Variants in MAGI2 observed in about 807,000 individuals in gnomAD.
MAGI2 encodes membrane-associated guanylate kinase, WW and PDZ domain-containing protein 2.
MAGI2 carries 35 observed loss-of-function variants against 133.3 expected under a neutral mutation model. That is an observed-to-expected ratio of 0.26 (90% CI 0.20 to 0.35). MAGI2 has a LOEUF of 0.35. Ranked by LOEUF, MAGI2 falls within the 10% of genes least tolerant of loss-of-function variation. The pLI is 1.00. For synonymous variants in MAGI2, 729 were observed against 710.6 expected, an observed-to-expected ratio of 1.03 and a Z score of -0.41; for missense variants, 1,636 against 1,863.4, an observed-to-expected ratio of 0.88 and a Z score of 2.25.
intron 1 of MAGI2, among the ~76,000 whole-genome samples, chr7:79,170,137 C>CTTTTTTTTTTTTTTTTTTTTT (rs10539344): frequency 2.3e-5 from 1 of 42,924 alleles, no homozygotes; most frequent in African/African-American, 8.6e-5. Flanking sequence ...AGATATTATA[C>CTTTTTTTTTTTTTTTTTTTTT]TTTTTTTTTT....
At chr7:78,113,690 A>G (rs1408989290) in intron 20 of MAGI2, among the ~76,000 whole-genome samples, 1 of 152,152 alleles carries the variant, frequency 6.6e-6, no homozygotes, top group Non-Finnish European at 1.5e-5. Flanking sequence ...TTGTAAGTGT[A>G]CTTCTTTGAT....
chr7:78,617,431 T>G (rs1485508007), intron 3 of MAGI2: 3 of 152,130 alleles, frequency 2.0e-5, no homozygotes. Flanking sequence ...ATCCTGATTT[T>G]GTCTGGTTGC....
intron 1 of MAGI2, among the ~76,000 whole-genome samples, chr7:79,010,035 C>T (rs1027945959): frequency 2.6e-5 from 4 of 151,820 alleles, no homozygotes; most frequent in African/African-American, 9.7e-5. Flanking sequence ...CTAAAACACA[C>T]ATATATATAT....
intron 2 of MAGI2, among the ~76,000 whole-genome samples, chr7:78,745,691 G>C (rs968295648): frequency 2.0e-5 from 3 of 152,076 alleles, no homozygotes; most frequent in Admixed American, 1.3e-4. Flanking sequence ...ATAAGAACAA[G>C]TTGCCCATTT....
intron 16 of MAGI2, among the ~76,000 whole-genome samples, chr7:78,155,392 T>G (rs1327239510): frequency 6.6e-6 from 1 of 152,126 alleles, no homozygotes; most frequent in Non-Finnish European, 1.5e-5. Context: ...GGTGGACAGA[T>G]CACTTGAGCC....
intron 6 of MAGI2, among the ~76,000 whole-genome samples, chr7:78,421,733 G>A (rs1335804505): frequency 2.0e-5 from 3 of 152,146 alleles, no homozygotes; most frequent in Non-Finnish European, 4.4e-5. Flanking sequence ...GAGGCTGGGA[G>A]ATTGAGGCTG....
intron 1 of MAGI2, among the ~76,000 whole-genome samples, chr7:79,428,901 A>G (rs1430953314): frequency 6.6e-6 from 1 of 152,152 alleles, no homozygotes; most frequent in Non-Finnish European, 1.5e-5. Flanking sequence ...GTTTTCCAAT[A>G]GGTAATTTTT....
At chr7:78,838,522 G>GTGTGTGTGAGTGTGTGTGTGTGTT in intron 2 of MAGI2, among the ~76,000 whole-genome samples, 1 of 151,476 alleles carries the variant, frequency 6.6e-6, no homozygotes, top group Non-Finnish European at 1.5e-5. Context: ...GTGTGTGTGT[G>GTGTGTGTGAGTGTGTGTGTGTGTT]TGTGTGTGTG....
intron 20 of MAGI2, among the ~76,000 whole-genome samples, chr7:78,097,447 A>G (rs1018159029): frequency 6.6e-6 from 1 of 152,180 alleles, no homozygotes; most frequent in African/African-American, 2.4e-5. Context: ...GATAAAGAAA[A>G]TATGGTACCT....
intron 7 of MAGI2, among the ~76,000 whole-genome samples, chr7:78,362,274 C>G (rs79555514): frequency 0.054 from 8,209 of 152,188 alleles, 324 homozygotes; most frequent in South Asian, 0.096. Context: ...TGTACTCCAG[C>G]CTGGGAGACA....
In MAGI2 at chr7:78,497,093, A is replaced by ACTCATTTGAATTCACATATT. The variant is rs566378192; in HGVS notation, c.965+4464_965+4483dup. ...AAAGGTGGGTCCTTGATATGTAATAACTCATTTGAATTCACATATTCTCAT... is the reference window on the plus strand; with the variant it reads ...AAAGGTGGGTCCTTGATATGTAATAACTCATTTGAATTCACATATTCTCATTTGAATTCACATATTCTCAT... On this transcript the variant is annotated intron_variant, in intron 5 of 21. Transcript: ENST00000354212. 5.3e-3 allele frequency among the ~76,000 whole-genome samples: 805 copies of ACTCATTTGAATTCACATATT among 152,224 alleles called. 11 individuals carry two copies. Among genetic ancestry groups the ACTCATTTGAATTCACATATT allele is most frequent in the African/African-American group, 0.019 (773 of 41,536 alleles).
chr7:78,168,139 C>T (rs763923626), intron 14 of MAGI2, 31 bp from the exon 15 acceptor site: 5 of 1,529,198 alleles, frequency 3.3e-6, no homozygotes, highest in Admixed American at 3.6e-5. Context: ...AAAGGACATT[C>T]ACATTTCAAT....
intron 9 of MAGI2, among the ~76,000 whole-genome samples, chr7:78,273,693 A>G (rs964201566): frequency 1.3e-5 from 2 of 151,544 alleles, no homozygotes; most frequent in African/African-American, 2.4e-5. Context: ...GTTGATATCA[A>G]TCTCTAATAT....
chr7:79,104,424 T>C (rs1818265899), intron 1 of MAGI2, among the ~76,000 whole-genome samples: 1 of 152,112 alleles, frequency 6.6e-6, no homozygotes, highest in Non-Finnish European at 1.5e-5. Flanking sequence ...ATCCCAGCAC[T>C]TTGGGAGGCA....
At chr7:78,136,390 G>A (rs959774904) in intron 16 of MAGI2, among the ~76,000 whole-genome samples, 6 of 152,108 alleles carry the variant, frequency 3.9e-5, no homozygotes, top group African/African-American at 1.4e-4. Flanking sequence ...AAAGTGCTGG[G>A]GTTACAGGCT....
At chr7:79,230,762 A>G (rs1831298328) in intron 1 of MAGI2, among the ~76,000 whole-genome samples, 1 of 151,932 alleles carries the variant, frequency 6.6e-6, no homozygotes, top group Non-Finnish European at 1.5e-5. Context: ...CTCTGATGGT[A>G]GTTTCTTTCG....
intron 20 of MAGI2, among the ~76,000 whole-genome samples, chr7:78,093,085 C>T (rs1233407881): frequency 1.6e-5 from 2 of 126,792 alleles, no homozygotes; most frequent in Non-Finnish European, 1.6e-5. Flanking sequence ...GCAGTGAGCC[C>T]AGATTGAGCC....
chr7:78,778,631 C>T (rs1826163418), intron 2 of MAGI2, among the ~76,000 whole-genome samples: 1 of 152,080 alleles, frequency 6.6e-6, no homozygotes, highest in Non-Finnish European at 1.5e-5. Context: ...AAATGAAGAG[C>T]ATGGAAGCTA....
chr7:78,635,982 C>T (rs319863), intron 2 of MAGI2, among the ~76,000 whole-genome samples: 50,381 of 151,966 alleles, frequency 0.33, 8,942 homozygotes, highest in East Asian at 0.68. Flanking sequence ...GTTTGGGTCA[C>T]TGAATTGTAT....
Sources: allele counts gnomAD v4.1 joint callset (sites outside exome capture counted in the v4.1 genomes callset), GRCh38; gene constraint gnomAD v4.1.1; transcripts MANE v1.5; gene names NCBI Gene and HGNC (gene_info 2026-07-23, HGNC 2026-07-21).